The following OXSR1 variants were observed in gnomAD, a reference collection of about 807,000 sequenced individuals.
OXSR1 encodes the protein oxidative stress responsive kinase 1, also known as serine/threonine-protein kinase OSR1.
A neutral mutation model predicts 79.8 loss-of-function variants in OXSR1; 24 were observed. The ratio of observed to expected loss-of-function variants is 0.30; its 90% CI spans 0.22 to 0.42. The LOEUF (loss-of-function observed/expected upper bound fraction) is 0.42. Ranked by LOEUF, OXSR1 falls within the 10% of genes least tolerant of loss-of-function variation. The pLI is 1.00. For synonymous variants in OXSR1, 226 were observed against 209.2 expected, an observed-to-expected ratio of 1.08 and a Z score of -0.69; for missense variants, 430 against 618.4, an observed-to-expected ratio of 0.70 and a Z score of 3.23.
intron 1 of OXSR1, among the ~76,000 whole-genome samples, chr3:38,181,468 G>A: frequency 6.6e-6 from 1 of 150,504 alleles, no homozygotes; most frequent in East Asian, 2.0e-4. Flanking sequence ...TCATTCTCGT[G>A]CCTCAGCCTC....
chr3:38,231,663 A>G (rs1349402287), intron 10 of OXSR1, among the ~76,000 whole-genome samples: 1 of 152,214 alleles, frequency 6.6e-6, no homozygotes, highest in Non-Finnish European at 1.5e-5. Context: ...CAGTGTGCCT[A>G]GAATAGTTCC....
rs1407131618 is a variant in OXSR1, at chr3:38,205,579, A to G, written c.434+6716A>G. 4.6e-5 allele frequency among the ~76,000 whole-genome samples: 7 copies of G among 152,206 alleles called. 1 individual carries two copies. The East Asian group carries it at 1.3e-3, about 29-fold the overall frequency. ...GTTCGTCTCTATCTAGACTGCTACA[A>G]CAGGCTAGTAGAGCCACTGATGACC... On this transcript the variant is annotated intron_variant, in intron 4 of 17. Coordinates refer to ENST00000311806, the MANE Select transcript of OXSR1 (RefSeq NM_005109.3).
At chr3:38,214,186 T>TC (rs1559515256) in intron 4 of OXSR1, among the ~76,000 whole-genome samples, 1 of 151,390 alleles carries the variant, frequency 6.6e-6, no homozygotes, top group African/African-American at 2.4e-5. Flanking sequence ...TTTTTTTTTT[T>TC]CCCAGGAAGA....
In OXSR1 at chr3:38,242,621, A is replaced by C. The variant is rs371270957; in HGVS notation, c.1075-122A>C. 1.9e-4 allele frequency: 98 copies of C among 506,218 alleles called. 2 individuals carry two copies. Among genetic ancestry groups the C allele is most frequent in the East Asian group, 1.6e-3 (50 of 31,810 alleles). 31.4% of individuals were successfully genotyped at this position (506,218 alleles called of 1,614,324 possible). A position where few individuals can be genotyped will look rare whatever the true frequency, so the allele number is the denominator to read the frequency against. ...AAAACTTTCAGTAGACTTGCTGGTG[A>C]GTTAATATATGGATCAGAATTAAAT... On this transcript the variant is annotated intron_variant, in intron 11 of 17. Transcript: ENST00000311806.
chr3:38,246,038 CACA>C, intron 12 of OXSR1, 34 bp from the exon 13 acceptor site: 9 of 1,605,696 alleles, frequency 5.6e-6, no homozygotes, highest in Non-Finnish European at 6.8e-6. Context: ...TCCCTTTCCA[CACA>C]ACTTAAGCAA....
At chr3:38,236,739 A>G (rs953933334) in intron 10 of OXSR1, 100 bp from the exon 11 acceptor site, 33 of 1,066,544 alleles carry the variant, frequency 3.1e-5, no homozygotes, top group South Asian at 1.5e-4. Flanking sequence ...ATGATTATCT[A>G]CTTAATGGAT....
intron 10 of OXSR1, among the ~76,000 whole-genome samples, chr3:38,231,197 A>G (rs1467424313): frequency 6.6e-6 from 1 of 152,216 alleles, no homozygotes; most frequent in African/African-American, 2.4e-5. Flanking sequence ...ACAATGAAGA[A>G]CCAGAAATGT....
intron 2 of OXSR1, among the ~76,000 whole-genome samples, chr3:38,186,846 A>C (rs991352512): frequency 6.6e-6 from 1 of 152,178 alleles, no homozygotes; most frequent in African/African-American, 2.4e-5. Flanking sequence ...TTGCTGGGTA[A>C]TATGGTAACT....
chr3:38,226,981 C>T lies in OXSR1; in HGVS notation c.836+2277C>T, dbSNP rs540997133. 3.9e-5 allele frequency among the ~76,000 whole-genome samples: 6 copies of T among 152,210 alleles called. No homozygotes were observed. In the South Asian group the frequency reaches 1.0e-3, roughly 26 times the overall value. On this transcript the variant is annotated intron_variant, in intron 8 of 17. Coordinates refer to ENST00000311806, the MANE Select transcript of OXSR1 (RefSeq NM_005109.3). ...TGGTTATGTAAAAGGTTCACAATAG[C>T]AGAAGGTGGTGAATGGCATGTAGGA...
At chr3:38,235,772 C>T (rs1006256444) in intron 10 of OXSR1, among the ~76,000 whole-genome samples, 11 of 152,156 alleles carry the variant, frequency 7.2e-5, no homozygotes, top group African/African-American at 2.7e-4. Context: ...CTGATGCAGC[C>T]TTTTCTTTTT....
intron 3 of OXSR1, chr3:38,193,212 A>G: frequency 8.4e-7 from 1 of 1,188,560 alleles, no homozygotes; most frequent in Non-Finnish European, 1.1e-6. Context: ...AGTCATTAAT[A>G]GTAATAAGCC....
At chr3:38,183,143 G>A in intron 2 of OXSR1, 28 bp downstream of exon 2, 1 of 1,199,846 alleles carries the variant, frequency 8.3e-7, no homozygotes, top group Non-Finnish European at 1.2e-6. Flanking sequence ...TTCTGAAATG[G>A]AGAGATATAC....
chr3:38,213,007 CA>C (rs1281508365), intron 4 of OXSR1, among the ~76,000 whole-genome samples: 1 of 152,038 alleles, frequency 6.6e-6, no homozygotes, highest in Non-Finnish European at 1.5e-5. Context: ...CTTTTGGTTT[CA>C]AAAGGGAAAC....
intron 11 of OXSR1, among the ~76,000 whole-genome samples, chr3:38,237,610 C>G (rs1702945173): frequency 6.6e-6 from 1 of 152,108 alleles, no homozygotes; most frequent in African/African-American, 2.4e-5. Context: ...CTTTTAGGAT[C>G]TGCTTTGGTG....
chr3:38,220,630 C>A (rs1702570363), intron 5 of OXSR1, among the ~76,000 whole-genome samples: 1 of 152,206 alleles, frequency 6.6e-6, no homozygotes, highest in Non-Finnish European at 1.5e-5. Flanking sequence ...TAAAACAAAT[C>A]TAGCCTCAGA....
intron 12 of OXSR1, among the ~76,000 whole-genome samples, chr3:38,244,915 C>T (rs1008509104): frequency 5.9e-5 from 9 of 152,198 alleles, no homozygotes; most frequent in Admixed American, 5.2e-4. Context: ...TGCTCATCAA[C>T]GAGGGTTCCA....
rs114290674 is a variant in OXSR1 at position 38,166,468 on chromosome 3, G to A, written c.70+522G>A. Among the ~76,000 whole-genome samples, 696 of 152,122 alleles carry A rather than the reference G, an allele frequency of 4.6e-3. 6 individuals carry two copies. Among genetic ancestry groups the A allele is most frequent in the African/African-American group, 0.016 (648 of 41,518 alleles). ...ACTCCTTCCAACTGACTTTCCAGTC[G>A]GGGAGGTAGACATTAAATAAGAAGA... On this transcript the variant is annotated intron_variant, in intron 1 of 17. Coordinates refer to ENST00000311806, the MANE Select transcript of OXSR1 (RefSeq NM_005109.3).
intron 14 of OXSR1, 103 bp from the exon 15 acceptor site, chr3:38,249,863 A>G: frequency 1.3e-6 from 1 of 750,262 alleles, no homozygotes; most frequent in East Asian, 2.6e-5. Flanking sequence ...CTATGGGAAC[A>G]AAACAGACTT....
chr3:38,172,616 C>T (rs758733281), intron 1 of OXSR1, among the ~76,000 whole-genome samples: 8 of 152,148 alleles, frequency 5.3e-5, no homozygotes, highest in Non-Finnish European at 1.2e-4. Context: ...TTTTCAAATA[C>T]AGATTCCAGG....
Sources: allele counts gnomAD v4.1 joint callset (sites outside exome capture counted in the v4.1 genomes callset), GRCh38; gene constraint gnomAD v4.1.1; transcripts MANE v1.5; gene names NCBI Gene and HGNC (gene_info 2026-07-23, HGNC 2026-07-21).